The following ACTR3B variants were observed in gnomAD, a reference collection of about 807,000 sequenced individuals.
ACTR3B encodes the protein actin-related protein 3B.
Under a neutral mutation model 59.0 loss-of-function variants are expected in ACTR3B, and 8 were observed. That is an observed-to-expected ratio of 0.14 (90% CI 0.08 to 0.24). ACTR3B has a LOEUF of 0.24. ACTR3B is among the 10% of genes least tolerant of loss of function. The probability of loss-of-function intolerance (pLI) is 1.00; values close to 1 mark genes in which losing one functional copy is unlikely to be tolerated. For missense variants in ACTR3B, 245 were observed against 552.3 expected, an observed-to-expected ratio of 0.44 and a Z score of 5.58; for synonymous variants, 148 against 197.9, an observed-to-expected ratio of 0.75 and a Z score of 2.12.
intron 9 of ACTR3B, among the ~76,000 whole-genome samples, chr7:152,849,325 G>A (rs558240004): frequency 5.9e-5 from 9 of 152,318 alleles, no homozygotes; most frequent in African/African-American, 2.2e-4. Context: ...ACCAAGGAAC[G>A]GGGTGGGGTG....
rs1799106453 is a variant in ACTR3B, at chr7:152,854,542, G to C, written c.1246G>C (p.Val416Leu). ...SICRHNPVFG[V>L]MS ...CTGCCGCCACAACCCCGTCTTTGGA[G>C]TCATGTCCTAGTGTCTGCCTGAACG... is the stretch of plus-strand genomic sequence containing the variant. The change falls in exon 12 of 12, where the codon GTC becomes CTC. Residue 416 changes from valine to leucine, a missense_variant. Around this residue, in one of 7 missense-constraint regions of ACTR3B, gnomAD observed 153 missense variants for 266.2 expected, o/e 0.57. Transcript: ENST00000256001. This position sits in a 1 kb window ranked among gnomAD's most constrained non-coding sequence, Gnocchi z 4.9. The C allele has an allele frequency of 6.2e-7, 1 of 1,614,104 alleles. No homozygotes were observed. Among genetic ancestry groups the C allele is most frequent in the Non-Finnish European group, 8.5e-7 (1 of 1,180,020 alleles).
At position 152,855,243 on chromosome 7, in the gene ACTR3B, A is replaced by G. The variant is rs1214456965; in HGVS notation, c.*690A>G. The G allele has an allele frequency of 6.6e-6, 1 of 152,544 alleles. No individual in the cohort carries two copies. The highest frequency in any genetic ancestry group is 1.5e-5 in the Non-Finnish European group (1 of 68,044). The allele number at this position is 152,544 out of a possible 1,614,324, so 9.4% of individuals were successfully genotyped here. A position where few individuals can be genotyped will look rare whatever the true frequency, so the allele number is the denominator to read the frequency against. On this transcript the variant is annotated 3_prime_UTR_variant, in exon 12 of 12. Transcript: ENST00000256001. ...AATGTATGAGAATTACTACAGATAC[A>G]TGTATCTTTTAGTTTTTTTTGTTTG...
At chr7:152,823,253 T>C in intron 7 of ACTR3B, 89 bp from the exon 8 acceptor site, 1 of 1,560,094 alleles carries the variant, frequency 6.4e-7, no homozygotes, top group Non-Finnish European at 8.7e-7. Flanking sequence ...CCAGGGTGTG[T>C]TTGCTCATGG....
At chr7:152,782,438 G>A (rs2098157481) in intron 1 of ACTR3B, among the ~76,000 whole-genome samples, 1 of 152,090 alleles carries the variant, frequency 6.6e-6, no homozygotes, top group African/African-American at 2.4e-5. Flanking sequence ...TTTATATTTA[G>A]GAGATTAGCA....
At chr7:152,839,297 G>T (rs1439591242) in intron 9 of ACTR3B, among the ~76,000 whole-genome samples, 1 of 142,714 alleles carries the variant, frequency 7.0e-6, no homozygotes, top group Non-Finnish European at 1.5e-5. Context: ...TGAGTGCGTG[G>T]ATCCTGCATG....
At chr7:152,773,963 GCCT>G (rs1342013210) in intron 1 of ACTR3B, among the ~76,000 whole-genome samples, 3 of 152,156 alleles carry the variant, frequency 2.0e-5, no homozygotes, top group Admixed American at 6.5e-5. Context: ...GAGTTCCAGA[GCCT>G]TTAAGGATCT....
chr7:152,825,704 G>A (rs1208285280), intron 9 of ACTR3B, among the ~76,000 whole-genome samples: 3 of 152,218 alleles, frequency 2.0e-5, no homozygotes, highest in South Asian at 4.1e-4. Flanking sequence ...CACAAATATC[G>A]ATGGAAAGTA....
intron 4 of ACTR3B, among the ~76,000 whole-genome samples, chr7:152,807,041 G>A (rs1304263647): frequency 6.6e-6 from 1 of 152,168 alleles, no homozygotes; most frequent in Non-Finnish European, 1.5e-5. Flanking sequence ...AAGATGTGCT[G>A]CATCTCCTGC....
chr7:152,852,993 G>A (rs908615513), intron 10 of ACTR3B, among the ~76,000 whole-genome samples: 4 of 151,942 alleles, frequency 2.6e-5, no homozygotes, highest in Non-Finnish European at 5.9e-5. Flanking sequence ...GGGTTTCACC[G>A]TGTTAGCCAG....
At chr7:152,823,023 A>G (rs1796298057) in intron 7 of ACTR3B, among the ~76,000 whole-genome samples, 1 of 152,232 alleles carries the variant, frequency 6.6e-6, no homozygotes, top group Non-Finnish European at 1.5e-5. Flanking sequence ...TCTGAGAGGA[A>G]CAAGGCAAGA....
intron 2 of ACTR3B, among the ~76,000 whole-genome samples, chr7:152,795,676 T>C (rs13312656): frequency 1.3e-5 from 2 of 151,790 alleles, no homozygotes; most frequent in African/African-American, 2.4e-5. Context: ...AACCAATATA[T>C]CCAGTAGAAG....
chr7:152,775,619 C>T (rs1375798686), intron 1 of ACTR3B, among the ~76,000 whole-genome samples: 3 of 151,814 alleles, frequency 2.0e-5, no homozygotes, highest in South Asian at 2.1e-4. Flanking sequence ...ATTAGCTGGG[C>T]GTGGTGGTGC....
intron 9 of ACTR3B, among the ~76,000 whole-genome samples, chr7:152,837,211 G>A (rs1034795852): frequency 3.9e-5 from 6 of 152,100 alleles, no homozygotes; most frequent in Non-Finnish European, 8.8e-5. Context: ...ACAAAAAAAA[G>A]ACACTATTAG....
intron 2 of ACTR3B, among the ~76,000 whole-genome samples, chr7:152,787,381 G>A (rs1483070089): frequency 2.6e-5 from 4 of 151,838 alleles, no homozygotes; most frequent in East Asian, 1.9e-4. Context: ...TGAATTTTTC[G>A]CAGATACTTT....
At chr7:152,808,838 A>G (rs1210376546) in intron 4 of ACTR3B, among the ~76,000 whole-genome samples, 7 of 152,146 alleles carry the variant, frequency 4.6e-5, no homozygotes, top group Non-Finnish European at 1.0e-4. Flanking sequence ...GCCCCATTCT[A>G]AGTGTTTACA....
chr7:152,853,051 A>G (rs559751119), intron 10 of ACTR3B, among the ~76,000 whole-genome samples: 35 of 152,154 alleles, frequency 2.3e-4, no homozygotes, highest in South Asian at 1.2e-3. Flanking sequence ...TCGGCCTCCC[A>G]AAGTGCTGGG....
At chr7:152,786,680 C>T (rs1314682063) in intron 2 of ACTR3B, among the ~76,000 whole-genome samples, 1 of 151,800 alleles carries the variant, frequency 6.6e-6, no homozygotes, top group Non-Finnish European at 1.5e-5. Context: ...ATAAATGGCA[C>T]ATTATAGGTT....
intron 9 of ACTR3B, 97 bp downstream of exon 9, chr7:152,825,219 C>T: frequency 8.4e-7 from 1 of 1,194,996 alleles, no homozygotes; most frequent in Non-Finnish European, 1.1e-6. Context: ...TAGTAAATAT[C>T]CCTGTTTCAC....
intron 7 of ACTR3B, among the ~76,000 whole-genome samples, chr7:152,821,547 T>A (rs1382532759): frequency 6.6e-6 from 1 of 152,170 alleles, no homozygotes; most frequent in Non-Finnish European, 1.5e-5. Flanking sequence ...TCCTCCCTAT[T>A]TCCGCCAGGA....
Sources: gnomAD v4.1 joint callset for allele counts (sites outside exome capture counted in the v4.1 genomes callset) on GRCh38, gnomAD v4.1.1 for gene constraint, gnomAD v4.1.1 regional missense constraint, Gnocchi (gnomAD v3.1) non-coding constraint, MANE v1.5 for transcripts, NCBI Gene and HGNC (gene_info 2026-07-23, HGNC 2026-07-21) for gene names.